Variants in GRIN2A observed in about 807,000 individuals in gnomAD.
GRIN2A encodes glutamate ionotropic receptor NMDA type subunit 2A.
A neutral mutation model predicts 113.4 loss-of-function variants in GRIN2A; 22 were observed. The ratio of observed to expected loss-of-function variants is 0.19; its 90% CI spans 0.14 to 0.28. The LOEUF (loss-of-function observed/expected upper bound fraction) is 0.28. Ranked by LOEUF, GRIN2A falls within the 10% of genes least tolerant of loss-of-function variation. GRIN2A has a pLI of 1.00. For synonymous variants in GRIN2A, 827 were observed against 738.4 expected (o/e 1.12, Z -1.94); for missense variants, 1,502 against 1,887.0 (o/e 0.80, Z 3.78).
At chr16:9,981,695 T>C (rs2045895231) in intron 2 of GRIN2A, among the ~76,000 whole-genome samples, 1 of 152,226 alleles carries the variant, frequency 6.6e-6, no homozygotes. Flanking sequence ...CTGGTCTGTG[T>C]TCATATTTCG....
chr16:9,868,973 T>C (rs2043209654), intron 4 of GRIN2A, among the ~76,000 whole-genome samples: 2 of 152,094 alleles, frequency 1.3e-5, no homozygotes, highest in African/African-American at 4.8e-5. Flanking sequence ...CCCATAAAAC[T>C]GGGCAGGTAG....
chr16:9,924,344 T>C (rs1476325331), intron 3 of GRIN2A, among the ~76,000 whole-genome samples: 1 of 152,348 alleles, frequency 6.6e-6, no homozygotes, highest in African/African-American at 2.4e-5. Context: ...ATATTATTAC[T>C]GTGCAAAGAA....
At chr16:10,093,893 A>C (rs893682057) in intron 2 of GRIN2A, among the ~76,000 whole-genome samples, 2 of 152,206 alleles carry the variant, frequency 1.3e-5, no homozygotes, top group Non-Finnish European at 2.9e-5. Context: ...ACTCTGCCCA[A>C]GACATCACCA....
chr16:10,046,437 T>G (rs1015527300), intron 2 of GRIN2A, among the ~76,000 whole-genome samples: 3 of 152,182 alleles, frequency 2.0e-5, no homozygotes, highest in African/African-American at 7.2e-5. Context: ...ATTTCATTAC[T>G]GACGGCATAA....
chr16:10,081,813 T>C (rs985192387), intron 2 of GRIN2A, among the ~76,000 whole-genome samples: 7 of 152,148 alleles, frequency 4.6e-5, no homozygotes, highest in Non-Finnish European at 8.8e-5. Flanking sequence ...GCTATGGAAC[T>C]GATTAAAATA....
At chr16:10,115,174 C>A (rs564332074) in intron 2 of GRIN2A, among the ~76,000 whole-genome samples, 310 of 152,072 alleles carry the variant, frequency 2.0e-3, no homozygotes, top group Non-Finnish European at 2.4e-3. Flanking sequence ...CTTAAGACGG[C>A]TCTCCTTTGT....
intron 2 of GRIN2A, among the ~76,000 whole-genome samples, chr16:10,160,821 T>G (rs1478753787): frequency 1.3e-5 from 2 of 152,176 alleles, no homozygotes; most frequent in South Asian, 2.1e-4. Context: ...TATCCTGAAT[T>G]TCTTGTCTCT....
intron 7 of GRIN2A, among the ~76,000 whole-genome samples, chr16:9,836,457 T>G (rs2042585045): frequency 6.6e-6 from 1 of 152,240 alleles, no homozygotes; most frequent in South Asian, 2.1e-4. Flanking sequence ...TATGTGCATG[T>G]AAGAATCTGT....
At chr16:10,013,596 C>T (rs1295256352) in intron 2 of GRIN2A, among the ~76,000 whole-genome samples, 2 of 152,160 alleles carry the variant, frequency 1.3e-5, no homozygotes, top group Non-Finnish European at 2.9e-5. Context: ...TGAGACCTTC[C>T]TGGAATCATA....
intron 12 of GRIN2A, among the ~76,000 whole-genome samples, chr16:9,768,245 G>C (rs982303811): frequency 2.0e-5 from 3 of 151,950 alleles, no homozygotes; most frequent in South Asian, 2.1e-4. Flanking sequence ...AGAAGGGGGG[G>C]GTCTCACCGT....
At chr16:10,139,059 G>T (rs1290794319) in intron 2 of GRIN2A, among the ~76,000 whole-genome samples, 2 of 152,228 alleles carry the variant, frequency 1.3e-5, no homozygotes, top group Non-Finnish European at 2.9e-5. Context: ...CCAGTCGTGT[G>T]TGAAATGCCT....
chr16:10,061,268 G>A (rs535009802), intron 2 of GRIN2A, among the ~76,000 whole-genome samples: 1 of 152,286 alleles, frequency 6.6e-6, no homozygotes, highest in Non-Finnish European at 1.5e-5. Flanking sequence ...TACAGGAAGA[G>A]GCTTAATCTA....
chr16:10,179,514 G>C (rs769171409), intron 2 of GRIN2A: 7 of 178,830 alleles, frequency 3.9e-5, no homozygotes, highest in Non-Finnish European at 7.2e-5. Context: ...TTTTCTTCCA[G>C]AACCTACCCA....
intron 2 of GRIN2A, chr16:10,112,105 A>G (rs2048627574): frequency 1.7e-6 from 1 of 601,958 alleles, no homozygotes; most frequent in East Asian, 3.3e-5. Context: ...TCCCACAAGC[A>G]GCTGCTGTGC....
rs181128429 is a variant in GRIN2A, at chr16:9,856,550, G to A, written c.1123-6589C>T. The stretch of plus-strand genomic sequence containing the variant: ...TGAGGCAGGAGAATGGCATGAACCC[G>A]GGAGGCCGAGCTTGCAGTGAGCCGA... On this transcript the variant is annotated intron_variant, in intron 4 of 12. Transcript: ENST00000330684. Among the ~76,000 whole-genome samples, 1,359 of 151,188 alleles carry A rather than the reference G, an allele frequency of 9.0e-3. 7 individuals carry two copies. The highest frequency in any genetic ancestry group is 0.021 in the Middle Eastern group (6 of 292).
chr16:10,180,373 C>G lies in GRIN2A; in HGVS notation c.39G>C (p.Pro13=), dbSNP rs776479105. The G allele has an allele frequency of 1.9e-6, 3 of 1,607,986 alleles. No homozygotes were observed. Among genetic ancestry groups the G allele is most frequent in the Non-Finnish European group, 1.7e-6 (2 of 1,179,858 alleles). ...CCGGACCGCGCCAGACCAGAAGGGC[C>G]GGCAGCACCAGCAGGGTCCAATAGC... is the stretch of plus-strand genomic sequence containing the variant. ...RVGYWTLLVL[P]ALLVWRGPAP... The change falls in exon 2 of 13, where the codon CCG becomes CCC. Residue 13 remains proline, a synonymous_variant. Coordinates refer to ENST00000330684, the MANE Select transcript of GRIN2A (RefSeq NM_001134407.3). The surrounding 1 kb of genome is among the most constrained non-coding windows in gnomAD (Gnocchi z 7.0).
In GRIN2A at chr16:10,058,158, G is replaced by A. The variant is rs2047486651; in HGVS notation, c.415-119607C>T. ...TAATTCTAGTTACTTGGGAGGCTGAGGCGGGAGAATTGCTTGAACCCGGGA... is the reference window on the plus strand; with the variant it reads ...TAATTCTAGTTACTTGGGAGGCTGAAGCGGGAGAATTGCTTGAACCCGGGA... On this transcript the variant is annotated intron_variant, in intron 2 of 12. Transcript: ENST00000330684. 2.6e-5 allele frequency among the ~76,000 whole-genome samples: 4 copies of A among 152,220 alleles called. No homozygotes were observed. In the South Asian group the frequency reaches 8.3e-4, roughly 32 times the overall value.
At chr16:9,798,936 G>T (rs1903179150) in intron 10 of GRIN2A, among the ~76,000 whole-genome samples, 1 of 152,116 alleles carries the variant, frequency 6.6e-6, no homozygotes, top group African/African-American at 2.4e-5. Context: ...AATTATTGCA[G>T]AATTTTTAAA....
chr16:9,854,992 TTGTGTGTGTGTG>T (rs3831730), intron 4 of GRIN2A, among the ~76,000 whole-genome samples: 3 of 147,558 alleles, frequency 2.0e-5, no homozygotes, highest in African/African-American at 5.0e-5. Context: ...GCAAGCACGC[TTGTGTGTGTGTG>T]TGTGTGTGTG....
Sources: allele counts gnomAD v4.1 joint callset (sites outside exome capture counted in the v4.1 genomes callset), GRCh38; gene constraint gnomAD v4.1.1; non-coding constraint Gnocchi (gnomAD v3.1); transcripts MANE v1.5; gene names NCBI Gene and HGNC (gene_info 2026-07-23, HGNC 2026-07-21).